PHF24: variants seen among roughly 807,000 people sequenced by gnomAD.
PHF24 encodes Galpha inhibitory interacting protein.
In PHF24, 25 loss-of-function variants were observed where a neutral mutation model predicts 42.6. That is an observed-to-expected ratio of 0.59 (90% CI 0.43 to 0.82). PHF24 has a LOEUF of 0.82. PHF24 is among the 40% of genes least tolerant of loss of function. PHF24 has a pLI of 0.00. For missense variants in PHF24, 470 were observed against 538.1 expected, an observed-to-expected ratio of 0.87 and a Z score of 1.25; for synonymous variants, 185 against 204.8, an observed-to-expected ratio of 0.90 and a Z score of 0.83.
the PHF24 span, among the ~76,000 whole-genome samples, chr9:34,713,502 C>T: frequency 2.7e-5 from 4 of 149,846 alleles, no homozygotes; most frequent in African/African-American, 1.0e-4. Flanking sequence ...TCAAGTACCA[C>T]CCCCCCTGCT....
At chr9:34,951,395 G>T in the PHF24 span, among the ~76,000 whole-genome samples, 23 of 152,172 alleles carry the variant, frequency 1.5e-4, no homozygotes, top group African/African-American at 5.3e-4. Context: ...GGTTATTCTG[G>T]ATTATACAGT....
the PHF24 span, among the ~76,000 whole-genome samples, chr9:34,919,766 T>C: frequency 2.6e-5 from 4 of 150,984 alleles, no homozygotes; most frequent in African/African-American, 9.7e-5. Flanking sequence ...TCAATTATTT[T>C]AATTTCTAGT....
chr9:34,820,996 A>G, the PHF24 span, among the ~76,000 whole-genome samples: 3 of 152,152 alleles, frequency 2.0e-5, no homozygotes, highest in Admixed American at 1.3e-4. Flanking sequence ...GCTGTTGAGC[A>G]TGTTTTCATA....
At chr9:34,760,836 A>G in the PHF24 span, among the ~76,000 whole-genome samples, 1 of 152,152 alleles carries the variant, frequency 6.6e-6, no homozygotes, top group Non-Finnish European at 1.5e-5. Flanking sequence ...TACAAAAATT[A>G]CAAAAATCAG....
chr9:34,940,417 C>G, the PHF24 span, among the ~76,000 whole-genome samples: 25 of 151,682 alleles, frequency 1.6e-4, no homozygotes, highest in Admixed American at 6.6e-4. Context: ...AAAAAAAAAC[C>G]TGTCTTGACT....
the PHF24 span, among the ~76,000 whole-genome samples, chr9:34,879,699 G>A: frequency 6.6e-6 from 1 of 152,234 alleles, no homozygotes; most frequent in Non-Finnish European, 1.5e-5. Flanking sequence ...ATGGGACTAT[G>A]TGAAAAGACC....
At chr9:34,836,121 G>A in the PHF24 span, 2 of 469,614 alleles carry the variant, frequency 4.3e-6, no homozygotes, top group East Asian at 6.4e-5. Flanking sequence ...GTGTGGGCTA[G>A]CGTTGGCATT....
chr9:34,733,510 T>TA, the PHF24 span, among the ~76,000 whole-genome samples: 3 of 151,670 alleles, frequency 2.0e-5, no homozygotes, highest in Admixed American at 1.3e-4. Flanking sequence ...GGTCTTTTTT[T>TA]TTTTTTGAGA....
chr9:34,717,509 G>A, the PHF24 span, among the ~76,000 whole-genome samples: 1 of 152,164 alleles, frequency 6.6e-6, no homozygotes, highest in Non-Finnish European at 1.5e-5. Context: ...AGATGGGTGT[G>A]TAGGTGAAGG....
intron 3 of PHF24, among the ~76,000 whole-genome samples, chr9:34,974,481 C>T (rs1386463856): frequency 1.3e-5 from 2 of 152,054 alleles, no homozygotes; most frequent in Non-Finnish European, 2.9e-5. Flanking sequence ...GTGTAACCAC[C>T]GTTAACATTA....
At chr9:34,681,891 C>A in the PHF24 span, among the ~76,000 whole-genome samples, 2 of 152,294 alleles carry the variant, frequency 1.3e-5, no homozygotes, top group Non-Finnish European at 2.9e-5. Context: ...GAGGAAGGGA[C>A]CTCTCTTTGT....
At chr9:34,882,344 T>C in the PHF24 span, among the ~76,000 whole-genome samples, 1 of 152,140 alleles carries the variant, frequency 6.6e-6, no homozygotes, top group Non-Finnish European at 1.5e-5. Flanking sequence ...TTCAACATAG[T>C]GTTGGAAGTT....
chr9:34,851,108 G>C, the PHF24 span, among the ~76,000 whole-genome samples: 11 of 152,082 alleles, frequency 7.2e-5, no homozygotes, highest in Middle Eastern at 3.4e-3. Flanking sequence ...TGCATGCTAG[G>C]AGAACCACTG....
At position 34,976,800 on chromosome 9, in the gene PHF24, C is replaced by G. The variant is rs769353501; in HGVS notation, c.849+60C>G. 37 of 1,467,160 alleles carry G rather than the reference C, an allele frequency of 2.5e-5. No homozygotes were observed. In the Admixed American group the frequency reaches 6.4e-4, roughly 26 times the overall value. 90.9% of individuals were successfully genotyped at this position (1,467,160 alleles called of 1,614,324 possible). ...CTGGGTGACAAGGGCCTGGGAGGCA[C>G]GCTGGGCAGATTGGGGGAGCACTGG... On this transcript the variant is annotated intron_variant, in intron 5 of 7. Transcript: ENST00000242315.
At chr9:34,690,005 G>T in the PHF24 span, 2 of 1,614,072 alleles carry the variant, frequency 1.2e-6, no homozygotes, top group Non-Finnish European at 8.5e-7. Flanking sequence ...AGAGCTGGCG[G>T]CCCCTCAGTG....
chr9:34,901,762 G>C, the PHF24 span, among the ~76,000 whole-genome samples: 1 of 152,126 alleles, frequency 6.6e-6, no homozygotes, highest in African/African-American at 2.4e-5. Context: ...TGTAAGCACT[G>C]ATTGGGTATT....
At chr9:34,727,962 G>A in the PHF24 span, 1 of 1,500,774 alleles carries the variant, frequency 6.7e-7, no homozygotes, top group South Asian at 1.2e-5. Flanking sequence ...CCCAGGCCAA[G>A]CCAAGAAATC....
the PHF24 span, among the ~76,000 whole-genome samples, chr9:34,919,382 A>C: frequency 6.6e-6 from 1 of 152,346 alleles, no homozygotes; most frequent in East Asian, 1.9e-4. Context: ...CTACTGTGCT[A>C]TCAAACATTA....
the PHF24 span, among the ~76,000 whole-genome samples, chr9:34,868,250 T>C: frequency 3.4e-3 from 520 of 152,272 alleles, 3 homozygotes; most frequent in African/African-American, 0.012. Flanking sequence ...CTGGCCCAAT[T>C]TGAGAAAAAG....
Sources: gnomAD v4.1 joint callset for allele counts (sites outside exome capture counted in the v4.1 genomes callset) on GRCh38, gnomAD v4.1.1 for gene constraint, MANE v1.5 for transcripts, NCBI Gene and HGNC (gene_info 2026-07-23, HGNC 2026-07-21) for gene names.